Variants in ZMYM2 observed in about 807,000 individuals in gnomAD.
The protein encoded by ZMYM2 is zinc finger MYM-type protein 2.
In ZMYM2, 56 loss-of-function variants were observed where a neutral mutation model predicts 162.8. That is an observed-to-expected ratio of 0.34 (90% CI 0.28 to 0.43). ZMYM2 has a LOEUF of 0.43. Ranked by LOEUF, ZMYM2 falls within the 20% of genes least tolerant of loss-of-function variation. The pLI, the probability that ZMYM2 is intolerant of heterozygous loss-of-function variation, is 1.00. For synonymous variants in ZMYM2, 510 were observed against 541.6 expected (o/e 0.94, Z 0.81); for missense variants, 1,275 against 1,621.8 (o/e 0.79, Z 3.67).
At chr13:19,964,822 A>T (rs1955592643) in intron 2 of ZMYM2, among the ~76,000 whole-genome samples, 1 of 152,182 alleles carries the variant, frequency 6.6e-6, no homozygotes, top group African/African-American at 2.4e-5. Flanking sequence ...ATCCATAAAA[A>T]TGTTTTTTTA....
the ZMYM2 span, among the ~76,000 whole-genome samples, chr13:19,942,522 G>A: frequency 2.7e-5 from 4 of 150,698 alleles, no homozygotes; most frequent in South Asian, 8.4e-4. Context: ...GGGCAACATA[G>A]GGAGATACCG....
intron 4 of ZMYM2, among the ~76,000 whole-genome samples, 169 bp downstream of exon 4, chr13:20,003,304 G>C (rs906619784): frequency 8.5e-5 from 13 of 152,100 alleles, no homozygotes; most frequent in African/African-American, 3.1e-4. Context: ...ATTTAGATAG[G>C]TCCTTATAAT....
the ZMYM2 span, among the ~76,000 whole-genome samples, chr13:19,942,672 TGC>T: frequency 6.6e-6 from 1 of 152,044 alleles, no homozygotes; most frequent in African/African-American, 2.4e-5. Flanking sequence ...ATCCTGCCAC[TGC>T]ATCCCAGCCT....
the ZMYM2 span, among the ~76,000 whole-genome samples, chr13:19,917,163 T>A: frequency 6.6e-6 from 1 of 151,970 alleles, no homozygotes; most frequent in Non-Finnish European, 1.5e-5. Flanking sequence ...AGGGTTTCAC[T>A]GTGTTAGCCA....
At chr13:20,073,525 GCT>G (rs1227908669) in intron 21 of ZMYM2, among the ~76,000 whole-genome samples, 2 of 151,896 alleles carry the variant, frequency 1.3e-5, no homozygotes, top group African/African-American at 4.8e-5. Flanking sequence ...TTCTTAATTT[GCT>G]CTCTTTTTAT....
the ZMYM2 span, among the ~76,000 whole-genome samples, chr13:19,910,086 G>A: frequency 6.6e-6 from 1 of 151,572 alleles, no homozygotes; most frequent in Non-Finnish European, 1.5e-5. Context: ...AATTAGCTGA[G>A]CGTGGTGGCG....
chr13:19,890,539 G>C, the ZMYM2 span, among the ~76,000 whole-genome samples: 2 of 116,246 alleles, frequency 1.7e-5, no homozygotes, highest in African/African-American at 3.4e-5. Flanking sequence ...AAAAAACCCT[G>C]TCTGTTCGTA....
At chr13:20,043,962 G>C (rs1461952797) in intron 12 of ZMYM2, among the ~76,000 whole-genome samples, 5 of 152,070 alleles carry the variant, frequency 3.3e-5, no homozygotes, top group African/African-American at 1.2e-4. Flanking sequence ...GGGGCTTCTA[G>C]GACACTCGAG....
chr13:19,916,940 G>T, the ZMYM2 span, among the ~76,000 whole-genome samples: 2 of 152,004 alleles, frequency 1.3e-5, no homozygotes, highest in Non-Finnish European at 2.9e-5. Context: ...TGCATTTTGC[G>T]ATTTGAAGCC....
chr13:19,999,073 A>G (rs1193550047), intron 3 of ZMYM2, among the ~76,000 whole-genome samples: 1 of 152,212 alleles, frequency 6.6e-6, no homozygotes, highest in Admixed American at 6.5e-5. Context: ...ACTAAACACT[A>G]AAGAAGCTTA....
At chr13:20,037,742 T>G (rs1467988442) in intron 12 of ZMYM2, among the ~76,000 whole-genome samples, 2 of 152,212 alleles carry the variant, frequency 1.3e-5, no homozygotes, top group Non-Finnish European at 2.9e-5. Flanking sequence ...AAACCCACTT[T>G]AAAAATTTAA....
intron 3 of ZMYM2, among the ~76,000 whole-genome samples, chr13:19,994,714 C>T (rs1479589222): frequency 1.3e-5 from 2 of 152,114 alleles, no homozygotes; most frequent in East Asian, 3.8e-4. Context: ...GTCTCAAACT[C>T]CTGACCTCAG....
chr13:20,006,785 A>G (rs891970989), intron 6 of ZMYM2, among the ~76,000 whole-genome samples, 199 bp downstream of exon 6: 1 of 152,184 alleles, frequency 6.6e-6, no homozygotes, highest in Non-Finnish European at 1.5e-5. Flanking sequence ...GTCAGGGACC[A>G]TCTGTATTTA....
chr13:19,957,120 T>C (rs570649991), upstream of ZMYM2, among the ~76,000 whole-genome samples: 147 of 152,350 alleles, frequency 9.6e-4, no homozygotes, highest in Admixed American at 2.2e-3. Context: ...AGGTATTTAG[T>C]ACAAGGTGGA....
At chr13:19,887,753 A>G in the ZMYM2 span, among the ~76,000 whole-genome samples, 3 of 151,894 alleles carry the variant, frequency 2.0e-5, no homozygotes, top group Non-Finnish European at 4.4e-5. Flanking sequence ...TTTGCAAGCA[A>G]CATCATTTAT....
the ZMYM2 span, among the ~76,000 whole-genome samples, chr13:19,931,515 T>C: frequency 6.6e-6 from 1 of 152,242 alleles, no homozygotes; most frequent in Non-Finnish European, 1.5e-5. Flanking sequence ...ACGATCCTTT[T>C]ACTGTCTTCA....
At chr13:19,965,295 A>G in intron 2 of ZMYM2, 1 of 1,291,946 alleles carries the variant, frequency 7.7e-7, no homozygotes, top group South Asian at 1.3e-5. Context: ...AGAATTGACA[A>G]CTAAATTTTT....
intron 7 of ZMYM2, among the ~76,000 whole-genome samples, chr13:20,021,387 A>G (rs1952090043): frequency 6.8e-6 from 1 of 147,644 alleles, no homozygotes; most frequent in Admixed American, 6.7e-5. Flanking sequence ...TTTTTTTGAC[A>G]AAATGCCTGT....
At chr13:19,866,481 C>T in the ZMYM2 span, among the ~76,000 whole-genome samples, 2 of 151,856 alleles carry the variant, frequency 1.3e-5, no homozygotes, top group African/African-American at 2.4e-5. Context: ...GCTTGACCAA[C>T]ATGGCGAAAC....
Sources: allele counts gnomAD v4.1 joint callset (sites outside exome capture counted in the v4.1 genomes callset), GRCh38; gene constraint gnomAD v4.1.1; transcripts MANE v1.5; gene names NCBI Gene and HGNC (gene_info 2026-07-23, HGNC 2026-07-21).